ITCH: variants seen among roughly 807,000 people sequenced by gnomAD.
ITCH encodes E3 ubiquitin-protein ligase Itchy homolog.
A neutral mutation model predicts 126.8 loss-of-function variants in ITCH; 28 were observed. That is an observed-to-expected ratio of 0.22 (90% confidence interval 0.16 to 0.30). The LOEUF is 0.30. ITCH is among the 10% of genes least tolerant of loss of function. ITCH has a pLI of 1.00. For synonymous variants in ITCH, 342 were observed against 340.0 expected, an observed-to-expected ratio of 1.01 and a Z score of -0.06; for missense variants, 631 against 1,032.4, an observed-to-expected ratio of 0.61 and a Z score of 5.33.
At chr20:34,380,125 T>C (rs1215418298) in intron 2 of ITCH, among the ~76,000 whole-genome samples, 1 of 151,978 alleles carries the variant, frequency 6.6e-6, no homozygotes, top group African/African-American at 2.4e-5. Flanking sequence ...CTCAATCTCT[T>C]GACCTTCCTC....
Position 34,489,815 on chromosome 20 carries a change from C to G in ITCH, c.2215-7C>G. The G allele has an allele frequency of 1.3e-6, 2 of 1,598,196 alleles. No homozygotes were observed. Among genetic ancestry groups the G allele is most frequent in the South Asian group, 2.2e-5 (2 of 90,710 alleles). On this transcript the variant is annotated splice_region_variant and splice_polypyrimidine_tract_variant and intron_variant, in intron 21 of 24. Transcript: ENST00000374864. ...TAGGAAACAATTTGTCTTTTTCATC[C>G]CTAAAGGTCCTTTTATGTGGAATGC...
At chr20:34,423,594 C>T (rs1287996121) in intron 6 of ITCH, among the ~76,000 whole-genome samples, 2 of 152,028 alleles carry the variant, frequency 1.3e-5, no homozygotes, top group Non-Finnish European at 2.9e-5. Flanking sequence ...CTTTAGCACC[C>T]TCCCTCCAAC....
At chr20:34,433,224 A>T (rs980786783) in intron 7 of ITCH, among the ~76,000 whole-genome samples, 4 of 152,198 alleles carry the variant, frequency 2.6e-5, no homozygotes, top group East Asian at 1.9e-4. Context: ...CGGGAGGCGG[A>T]GGTTGCAGTG....
At position 34,401,358 on chromosome 20, in the gene ITCH, ACTTTT is replaced by A. The variant is rs1456282905; in HGVS notation, c.71-7289_71-7285del. On this transcript the variant is annotated intron_variant, in intron 3 of 24. Transcript: ENST00000374864. ...ATTTGTTCTGTTTCAAAGGTGCAGT[ACTTTT>A]CTTCATTTATTAGTGAAAGAAGTTA... 2.0e-5 allele frequency among the ~76,000 whole-genome samples: 3 copies of A among 152,132 alleles called. No individual in the cohort carries two copies. In the East Asian group the frequency reaches 5.8e-4, roughly 29 times the overall value.
chr20:34,467,970 T>A (rs1257717950), intron 14 of ITCH, among the ~76,000 whole-genome samples: 1 of 152,020 alleles, frequency 6.6e-6, no homozygotes, highest in African/African-American at 2.4e-5. Flanking sequence ...ATACGATAAT[T>A]TCAGGAAAAG....
chr20:34,380,002 T>C (rs536363492), intron 2 of ITCH, among the ~76,000 whole-genome samples: 13 of 150,454 alleles, frequency 8.6e-5, no homozygotes, highest in South Asian at 6.4e-4. Context: ...GTTCAAGCAA[T>C]TCTCCTGCCT....
At chr20:34,503,488 T>A (rs1231988321) in intron 23 of ITCH, among the ~76,000 whole-genome samples, 1 of 152,202 alleles carries the variant, frequency 6.6e-6, no homozygotes, top group East Asian at 1.9e-4. Context: ...GGGTATGCCC[T>A]ACAGGACCTG....
At chr20:34,438,653 A>T (rs765214129) in intron 8 of ITCH, 22 bp downstream of exon 8, 1 of 1,612,596 alleles carries the variant, frequency 6.2e-7, no homozygotes, top group African/African-American at 1.3e-5. Flanking sequence ...AGCTCTCAAT[A>T]CTCTTGGAAA....
intron 23 of ITCH, among the ~76,000 whole-genome samples, chr20:34,495,285 A>AT (rs1555885649): frequency 1.6e-4 from 8 of 51,288 alleles, no homozygotes; most frequent in African/African-American, 3.1e-4. Context: ...TAAATAAATA[A>AT]ATAAATAAAA....
intron 3 of ITCH, 83 bp downstream of exon 3, chr20:34,393,964 G>A: frequency 7.8e-7 from 1 of 1,276,324 alleles, no homozygotes; most frequent in East Asian, 2.3e-5. Context: ...AGGCATGGTG[G>A]CCCATGCCTG....
rs1434417398 is a variant in ITCH at position 34,369,428 on chromosome 20, A to G, written c.-64A>G. 1 of 398,964 alleles carries G rather than the reference A, an allele frequency of 2.5e-6. No individual in the cohort carries two copies. The highest frequency in any genetic ancestry group is 4.4e-6 in the Non-Finnish European group (1 of 226,094). 24.7% of individuals were successfully genotyped at this position (398,964 alleles called of 1,614,324 possible). On this transcript the variant is annotated 5_prime_UTR_variant, in exon 2 of 25. Transcript: ENST00000374864. ...ATTTCACGGTGGCCTTGTGGAGACA[A>G]CGCCTTAACCCAAGGAAGTGACTCA...
At chr20:34,498,080 T>G (rs555457229) in intron 23 of ITCH, among the ~76,000 whole-genome samples, 1 of 152,342 alleles carries the variant, frequency 6.6e-6, no homozygotes, top group East Asian at 1.9e-4. Context: ...TTTCTAGGTT[T>G]TTGTTGTTTG....
intron 7 of ITCH, among the ~76,000 whole-genome samples, chr20:34,429,925 G>A (rs1222990077): frequency 6.6e-6 from 1 of 152,118 alleles, no homozygotes; most frequent in East Asian, 1.9e-4. Flanking sequence ...GGAATTGGAG[G>A]GAAGAAGGAA....
chr20:34,465,725 A>T (rs1391065643), intron 14 of ITCH, among the ~76,000 whole-genome samples: 2 of 152,122 alleles, frequency 1.3e-5, no homozygotes, highest in Non-Finnish European at 2.9e-5. Flanking sequence ...TATTCTTAGT[A>T]TATAGAAATG....
chr20:34,383,387 A>C (rs2038143358), intron 2 of ITCH, among the ~76,000 whole-genome samples: 1 of 127,940 alleles, frequency 7.8e-6, no homozygotes, highest in African/African-American at 3.0e-5. Flanking sequence ...TTTTTTTGAG[A>C]CAGAGTTTTG....
At chr20:34,392,812 G>A (rs1224335059) in intron 2 of ITCH, among the ~76,000 whole-genome samples, 2 of 152,152 alleles carry the variant, frequency 1.3e-5, no homozygotes, top group African/African-American at 2.4e-5. Context: ...CCTGGTTGGG[G>A]AGTGGTGGTG....
rs1429062437 is a variant in ITCH, at chr20:34,511,105, G to A, written c.*3311G>A. On this transcript the variant is annotated 3_prime_UTR_variant, in exon 25 of 25. Transcript: ENST00000374864. The stretch of plus-strand genomic sequence containing the variant: ...CTTTAGAGTTAACGACTTCTATTTA[G>A]TATTGTTGGTATCTCCAGCCCCCCT... 6.6e-6 allele frequency: 1 copy of A among 152,046 alleles called. No homozygotes were observed. The highest frequency in any genetic ancestry group is 2.4e-5 in the African/African-American group (1 of 41,390). 9.4% of individuals were successfully genotyped at this position (152,046 alleles called of 1,614,324 possible).
chr20:34,404,322 A>C (rs1369895982), intron 3 of ITCH, among the ~76,000 whole-genome samples: 2 of 151,844 alleles, frequency 1.3e-5, no homozygotes, highest in Admixed American at 6.6e-5. Flanking sequence ...TGTTCAATCT[A>C]GACTTTGAGA....
intron 17 of ITCH, among the ~76,000 whole-genome samples, 168 bp from the exon 18 acceptor site, chr20:34,479,462 A>G (rs563856836): frequency 6.6e-6 from 1 of 152,362 alleles, no homozygotes; most frequent in East Asian, 1.9e-4. Context: ...GTATACTACC[A>G]ACTCTGTGAA....
Sources: allele counts gnomAD v4.1 joint callset (sites outside exome capture counted in the v4.1 genomes callset), GRCh38; gene constraint gnomAD v4.1.1; transcripts MANE v1.5; gene names NCBI Gene and HGNC (gene_info 2026-07-23, HGNC 2026-07-21).